The following SUMF1 variants were observed in gnomAD, a reference collection of about 807,000 sequenced individuals.
SUMF1 encodes sulfatase modifying factor 1.
In SUMF1, 48 loss-of-function variants were observed where a neutral mutation model predicts 47.6. That is an observed-to-expected ratio of 1.01 (90% CI 0.80 to 1.28). The LOEUF (loss-of-function observed/expected upper bound fraction) is 1.28, where lower values mean the gene tolerates loss of function less well. Among genes scored for constraint, SUMF1 ranks in the 50% most tolerant of loss-of-function variants. The pLI is 0.00. For synonymous variants in SUMF1, 230 were observed against 192.1 expected (o/e 1.20, Z -1.63); for missense variants, 571 against 485.4 (o/e 1.18, Z -1.66).
chr3:4,051,793 G>T (rs1695115899), intron 9 of SUMF1, among the ~76,000 whole-genome samples: 1 of 152,094 alleles, frequency 6.6e-6, no homozygotes, highest in Non-Finnish European at 1.5e-5. Context: ...AATGTAGACT[G>T]GTTTGCACAT....
chr3:4,367,063 A>T (rs1213272296), intron 8 of SUMF1, among the ~76,000 whole-genome samples: 1 of 151,918 alleles, frequency 6.6e-6, no homozygotes, highest in Non-Finnish European at 1.5e-5. Flanking sequence ...CTGCTGTCTG[A>T]TTGTTCCTCT....
At chr3:4,385,314 A>G (rs1700636766) in intron 7 of SUMF1, among the ~76,000 whole-genome samples, 1 of 152,124 alleles carries the variant, frequency 6.6e-6, no homozygotes, top group African/African-American at 2.4e-5. Context: ...TTTTAATTTT[A>G]GCCATTCTGA....
chr3:4,180,210 T>G (rs36043184), intron 8 of SUMF1, among the ~76,000 whole-genome samples: 51,365 of 151,940 alleles, frequency 0.34, 8,823 homozygotes, highest in East Asian at 0.4. Context: ...ACCCAAAGGA[T>G]TATAAATCAT....
chr3:4,072,792 G>C (rs938932793), intron 8 of SUMF1, among the ~76,000 whole-genome samples: 1 of 152,084 alleles, frequency 6.6e-6, no homozygotes. Flanking sequence ...GAAAAAAAGA[G>C]TGAAGAGAAA....
intron 8 of SUMF1, among the ~76,000 whole-genome samples, chr3:4,330,446 C>G (rs780734818): frequency 6.6e-5 from 10 of 152,180 alleles, no homozygotes; most frequent in African/African-American, 1.9e-4. Flanking sequence ...GGACCATGCA[C>G]GTCTTACATG....
At chr3:4,354,616 A>C (rs1381944713) in intron 8 of SUMF1, among the ~76,000 whole-genome samples, 2 of 152,190 alleles carry the variant, frequency 1.3e-5, no homozygotes, top group Non-Finnish European at 2.9e-5. Context: ...GGGATTAATC[A>C]TGCCAGCTTT....
At chr3:4,294,695 G>A (rs548762985) in intron 8 of SUMF1, among the ~76,000 whole-genome samples, 3 of 152,122 alleles carry the variant, frequency 2.0e-5, no homozygotes, top group South Asian at 4.2e-4. Flanking sequence ...CTTCTTGTCT[G>A]GAAAGAAAGC....
At chr3:4,305,289 T>A (rs1457407914) in intron 8 of SUMF1, among the ~76,000 whole-genome samples, 2 of 152,150 alleles carry the variant, frequency 1.3e-5, no homozygotes, top group Non-Finnish European at 2.9e-5. Context: ...TTTTACCATG[T>A]TGCCCAGGCT....
At chr3:4,312,984 C>CG in intron 8 of SUMF1, 1 of 1,614,028 alleles carries the variant, frequency 6.2e-7, no homozygotes, top group Non-Finnish European at 8.5e-7. Context: ...TCAAAACTCC[C>CG]TGCCTCCCTG....
chr3:4,282,256 ACATT>A (rs1318742434), intron 8 of SUMF1, among the ~76,000 whole-genome samples: 1 of 152,190 alleles, frequency 6.6e-6, no homozygotes, highest in African/African-American at 2.4e-5. Context: ...GAAAGAAATC[ACATT>A]CAGATGAATA....
chr3:4,417,233 G>T lies in SUMF1; in HGVS notation c.735C>A (p.Pro245=). 1 of 1,613,808 alleles carries T rather than the reference G, an allele frequency of 6.2e-7. No individual in the cohort carries two copies. Among genetic ancestry groups the T allele is most frequent in the Non-Finnish European group, 8.5e-7 (1 of 1,179,794 alleles). The part of the protein sequence containing the change: ...CRGGLHNRLF[P]WGNKLQPKGQ... The stretch of plus-strand genomic sequence containing the variant: ...CTTTGGGCTGCAGTTTGTTGCCCCA[G>T]GGGAAAAGTCTGTCAGAAGAGACAC... The change falls in exon 6 of 9, where the codon CCC becomes CCA. Residue 245 remains proline, a synonymous_variant. Coordinates refer to ENST00000272902, the MANE Select transcript of SUMF1 (RefSeq NM_182760.4).
intron 8 of SUMF1, among the ~76,000 whole-genome samples, chr3:4,348,204 G>C (rs1559236417): frequency 6.6e-6 from 1 of 152,254 alleles, no homozygotes; most frequent in East Asian, 1.9e-4. Flanking sequence ...AACCAAAAAA[G>C]AGCCTGGATA....
intron 7 of SUMF1, among the ~76,000 whole-genome samples, chr3:4,382,630 T>C (rs761350288): frequency 6.6e-6 from 1 of 152,328 alleles, no homozygotes; most frequent in Non-Finnish European, 1.5e-5. Flanking sequence ...CATATGTTTA[T>C]TGTGGCACTG....
At chr3:4,223,510 ATACTGTTATCGCTACCAC>A (rs1696111163) in intron 8 of SUMF1, among the ~76,000 whole-genome samples, 1 of 152,080 alleles carries the variant, frequency 6.6e-6, no homozygotes, top group Admixed American at 6.6e-5. Context: ...TTCCTTGAGG[ATACTGTTATCGCTACCAC>A]TACTTCCACA....
chr3:4,411,081 G>T (rs1156662970), intron 6 of SUMF1, 103 bp from the exon 7 acceptor site: 4 of 979,704 alleles, frequency 4.1e-6, no homozygotes, highest in East Asian at 4.8e-5. Flanking sequence ...GAGTATGAAT[G>T]TTGGGTTTTA....
intron 8 of SUMF1, among the ~76,000 whole-genome samples, chr3:4,197,410 T>C (rs1695452539): frequency 6.6e-6 from 1 of 152,048 alleles, no homozygotes; most frequent in Admixed American, 6.6e-5. Context: ...AAGGAGATGG[T>C]TTCACGGAAA....
intron 8 of SUMF1, chr3:4,313,945 C>T: frequency 9.5e-7 from 1 of 1,049,894 alleles, no homozygotes; most frequent in Non-Finnish European, 1.3e-6. Context: ...TACATGACTA[C>T]CCAGAATACT....
At chr3:4,075,662 A>T (rs929772098) in intron 8 of SUMF1, among the ~76,000 whole-genome samples, 4 of 152,234 alleles carry the variant, frequency 2.6e-5, no homozygotes, top group African/African-American at 9.6e-5. Context: ...CAAAATCAAT[A>T]GGCAAAAATC....
At chr3:4,107,872 T>A (rs1051412558) in intron 8 of SUMF1, among the ~76,000 whole-genome samples, 1 of 152,116 alleles carries the variant, frequency 6.6e-6, no homozygotes, top group Non-Finnish European at 1.5e-5. Flanking sequence ...AATTCCATTC[T>A]TAGGAATAAT....
Sources: gnomAD v4.1 joint callset for allele counts (sites outside exome capture counted in the v4.1 genomes callset) on GRCh38, gnomAD v4.1.1 for gene constraint, MANE v1.5 for transcripts, NCBI Gene and HGNC (gene_info 2026-07-23, HGNC 2026-07-21) for gene names.